Variants in GALNTL6 observed in about 807,000 individuals in gnomAD.
GALNTL6 encodes polypeptide N-acetylgalactosaminyltransferase-like 6.
In GALNTL6, 46 loss-of-function variants were observed where a neutral mutation model predicts 73.7. The ratio of observed to expected loss-of-function variants is 0.62; its 90% CI spans 0.49 to 0.80. The LOEUF is 0.80. Among genes scored for constraint, GALNTL6 ranks in the 30% least tolerant of loss-of-function variants. The probability of loss-of-function intolerance (pLI) is 0.00; values close to 1 mark genes in which losing one functional copy is unlikely to be tolerated. For synonymous variants in GALNTL6, 259 were observed against 263.7 expected, an observed-to-expected ratio of 0.98 and a Z score of 0.17; for missense variants, 604 against 755.0, an observed-to-expected ratio of 0.80 and a Z score of 2.34.
chr4:172,038,003 C>T (rs1741982438), intron 2 of GALNTL6, among the ~76,000 whole-genome samples: 1 of 151,910 alleles, frequency 6.6e-6, no homozygotes, highest in Non-Finnish European at 1.5e-5. Flanking sequence ...CCTGTAATCC[C>T]AGCTACTTGG....
At chr4:172,524,605 A>G (rs1734891657) in intron 5 of GALNTL6, among the ~76,000 whole-genome samples, 1 of 152,218 alleles carries the variant, frequency 6.6e-6, no homozygotes, top group Non-Finnish European at 1.5e-5. Context: ...GCTGCTAGGA[A>G]CATACTCGTA....
intron 5 of GALNTL6, among the ~76,000 whole-genome samples, chr4:172,481,843 A>G (rs1352964207): frequency 6.6e-6 from 1 of 152,160 alleles, no homozygotes; most frequent in African/African-American, 2.4e-5. Context: ...ATCCTGTTTC[A>G]GGGGAATGGG....
chr4:172,706,019 A>C lies in GALNTL6; in HGVS notation c.554-103342A>C, dbSNP rs111344243. ...CCTGGATATTTATATCTTTCTCTAG[A>C]TTTTGTAAAGTTTTCTGTTATTGTG... On this transcript the variant is annotated intron_variant, in intron 5 of 12. Transcript: ENST00000506823. Among the ~76,000 whole-genome samples, 120 of 151,898 alleles carry C rather than the reference A, an allele frequency of 7.9e-4. 1 individual carries two copies. The highest frequency in any genetic ancestry group is 2.7e-3 in the African/African-American group (111 of 41,438).
chr4:171,984,308 A>T (rs992873132), intron 2 of GALNTL6, among the ~76,000 whole-genome samples: 1 of 152,200 alleles, frequency 6.6e-6, no homozygotes, highest in African/African-American at 2.4e-5. Flanking sequence ...AGCTTAGAGG[A>T]AACAGTACCA....
intron 2 of GALNTL6, among the ~76,000 whole-genome samples, chr4:171,971,624 T>C (rs573669559): frequency 2.8e-4 from 43 of 152,282 alleles, no homozygotes; most frequent in African/African-American, 9.1e-4. Flanking sequence ...CAAAACATAA[T>C]TGCCAAAATA....
chr4:172,698,538 C>T (rs1733829110), intron 5 of GALNTL6, among the ~76,000 whole-genome samples: 1 of 152,138 alleles, frequency 6.6e-6, no homozygotes, highest in Non-Finnish European at 1.5e-5. Flanking sequence ...TCTGGGAGCT[C>T]CATTATTTAC....
At chr4:172,922,004 A>G (rs1387454985) in intron 8 of GALNTL6, among the ~76,000 whole-genome samples, 3 of 152,072 alleles carry the variant, frequency 2.0e-5, no homozygotes, top group Non-Finnish European at 4.4e-5. Flanking sequence ...GCATTCTCAT[A>G]TGTTGTGGGA....
chr4:173,015,445 C>T (rs1281224526), intron 11 of GALNTL6, among the ~76,000 whole-genome samples: 2 of 152,172 alleles, frequency 1.3e-5, no homozygotes, highest in East Asian at 1.9e-4. Context: ...TTTGGAACTT[C>T]CTAGAGACTT....
intron 2 of GALNTL6, among the ~76,000 whole-genome samples, chr4:172,074,596 A>G (rs540643684): frequency 1.3e-5 from 2 of 152,144 alleles, no homozygotes; most frequent in South Asian, 4.1e-4. Context: ...AGCATATGAC[A>G]AAATATAGGC....
chr4:172,372,941 G>C (rs1742874647), intron 5 of GALNTL6, among the ~76,000 whole-genome samples: 1 of 152,112 alleles, frequency 6.6e-6, no homozygotes, highest in Non-Finnish European at 1.5e-5. Context: ...GCTAAGATTA[G>C]GCCTAGATAT....
chr4:172,840,516 C>T (rs979712803), intron 7 of GALNTL6, among the ~76,000 whole-genome samples: 4 of 152,192 alleles, frequency 2.6e-5, no homozygotes, highest in Non-Finnish European at 4.4e-5. Flanking sequence ...CACCATCCTG[C>T]TCACCATTCA....
intron 3 of GALNTL6, 49 bp downstream of exon 3, chr4:172,229,813 C>T (rs1487632600): frequency 1.8e-6 from 2 of 1,114,668 alleles, no homozygotes; most frequent in Admixed American, 1.8e-5. Flanking sequence ...GCAGCAGTGT[C>T]TCATTTGTCA....
At chr4:172,986,624 G>A (rs1751299830) in intron 10 of GALNTL6, among the ~76,000 whole-genome samples, 1 of 152,188 alleles carries the variant, frequency 6.6e-6, no homozygotes, top group African/African-American at 2.4e-5. Context: ...GATCAGTTGA[G>A]TTAAACAGTA....
chr4:172,031,028 C>A (rs996959434), intron 2 of GALNTL6, among the ~76,000 whole-genome samples: 2 of 152,012 alleles, frequency 1.3e-5, no homozygotes, highest in Non-Finnish European at 2.9e-5. Flanking sequence ...TGTCTCCAAG[C>A]TGGATGAAGA....
intron 3 of GALNTL6, among the ~76,000 whole-genome samples, chr4:172,283,012 A>G (rs1021840144): frequency 1.3e-5 from 2 of 152,164 alleles, no homozygotes; most frequent in Admixed American, 6.5e-5. Context: ...TTTGCTCTAC[A>G]TTTCTTACCC....
chr4:172,516,256 A>G (rs994081703), intron 5 of GALNTL6, among the ~76,000 whole-genome samples: 2 of 152,164 alleles, frequency 1.3e-5, no homozygotes, highest in African/African-American at 4.8e-5. Flanking sequence ...AACTAGACCT[A>G]CTGAACCAGA....
At chr4:172,602,878 C>T (rs1031270568) in intron 5 of GALNTL6, among the ~76,000 whole-genome samples, 20 of 152,078 alleles carry the variant, frequency 1.3e-4, no homozygotes, top group African/African-American at 4.6e-4. Context: ...ATACAATAGG[C>T]CACTAGTCAG....
At chr4:172,263,540 G>A (rs1456401012) in intron 3 of GALNTL6, among the ~76,000 whole-genome samples, 1 of 150,902 alleles carries the variant, frequency 6.6e-6, no homozygotes, top group Non-Finnish European at 1.5e-5. Flanking sequence ...TTAAATTTAA[G>A]TTGGCTTTCA....
intron 5 of GALNTL6, among the ~76,000 whole-genome samples, chr4:172,699,808 A>C (rs1362094776): frequency 5.8e-5 from 4 of 68,460 alleles, no homozygotes; most frequent in African/African-American, 2.2e-4. Context: ...GATGTATTAC[A>C]AAAAGAAAAA....
Sources: allele counts gnomAD v4.1 joint callset (sites outside exome capture counted in the v4.1 genomes callset), GRCh38; gene constraint gnomAD v4.1.1; transcripts MANE v1.5; gene names NCBI Gene and HGNC (gene_info 2026-07-23, HGNC 2026-07-21).